KCTD15: variants seen among roughly 807,000 people sequenced by gnomAD.
KCTD15 encodes the protein BTB/POZ domain-containing protein KCTD15.
In KCTD15, 11 loss-of-function variants were observed where a neutral mutation model predicts 27.2. That is an observed-to-expected ratio of 0.41 (90% CI 0.25 to 0.67). KCTD15 has a LOEUF of 0.67. KCTD15 is among the 30% of genes least tolerant of loss of function. The pLI is 0.35. For missense variants in KCTD15, 350 were observed against 409.3 expected (o/e 0.86, Z 1.25); for synonymous variants, 163 against 176.0 (o/e 0.93, Z 0.58).
chr19:33,806,358 C>T (rs930842245), intron 4 of KCTD15, among the ~76,000 whole-genome samples: 2 of 152,200 alleles, frequency 1.3e-5, no homozygotes, highest in African/African-American at 2.4e-5. Flanking sequence ...GTGCCTGTTG[C>T]ACAGGCCTGT....
In KCTD15 at chr19:33,814,870, ACCAGTGGCTCCCTGT is replaced by A. The variant is rs1976047316; in HGVS notation, c.*1926_*1940del. 1.3e-5 allele frequency: 2 copies of A among 152,266 alleles called. No homozygotes were observed. Among genetic ancestry groups the A allele is most frequent in the African/African-American group, 4.8e-5 (2 of 41,446 alleles). 9.4% of individuals were successfully genotyped at this position (152,266 alleles called of 1,614,324 possible). The stretch of plus-strand genomic sequence containing the variant: ...CCTGCCTCAGGGGACAGCAGCACAG[ACCAGTGGCTCCCTGT>A]CCAAGGCCGCAGAGCAGACGCCATC... On this transcript the variant is annotated 3_prime_UTR_variant, in exon 7 of 7. Transcript: ENST00000683859.
chr19:33,803,724 C>T (rs932851230), intron 4 of KCTD15, among the ~76,000 whole-genome samples: 6 of 152,096 alleles, frequency 3.9e-5, no homozygotes, highest in African/African-American at 1.4e-4. Flanking sequence ...TTAGCTGCCG[C>T]CATCACAGCC....
At chr19:33,797,232 A>C (rs1975347548) in intron 1 of KCTD15, among the ~76,000 whole-genome samples, 1 of 147,694 alleles carries the variant, frequency 6.8e-6, no homozygotes, top group Non-Finnish European at 1.5e-5. Flanking sequence ...GCGGTCTCGG[A>C]GCTTCCTGCC....
chr19:33,813,318 G>T lies in KCTD15; in HGVS notation c.*370G>T, dbSNP rs1379006275. ...TGTTTATCCCTCTCCACGCGGGGCAGACTCTGGCGGGTCTCCTAGCGTCCG... is the reference window on the plus strand; with the variant it reads ...TGTTTATCCCTCTCCACGCGGGGCATACTCTGGCGGGTCTCCTAGCGTCCG... On this transcript the variant is annotated 3_prime_UTR_variant, in exon 7 of 7. Transcript: ENST00000683859. 2.5e-5 allele frequency: 13 copies of T among 526,660 alleles called. No homozygotes were observed. Among genetic ancestry groups the T allele is most frequent in the Non-Finnish European group, 4.8e-5 (13 of 273,604 alleles). 32.6% of individuals were successfully genotyped at this position (526,660 alleles called of 1,614,324 possible).
At chr19:33,794,257 A>G (rs1040729407), upstream of KCTD15, among the ~76,000 whole-genome samples, 2 of 152,214 alleles carry the variant, frequency 1.3e-5, no homozygotes, top group Admixed American at 1.3e-4. Context: ...AAGAGAAGCA[A>G]TTAGTCTTGG....
In KCTD15 at chr19:33,814,245, A is replaced by G. The variant is rs1322649738; in HGVS notation, c.*1297A>G. 1 of 152,606 alleles carries G rather than the reference A, an allele frequency of 6.6e-6. No individual in the cohort carries two copies. Among genetic ancestry groups the G allele is most frequent in the Admixed American group, 6.5e-5 (1 of 15,268 alleles). 9.5% of individuals were successfully genotyped at this position (152,606 alleles called of 1,614,324 possible). A position where few individuals can be genotyped will look rare whatever the true frequency, so the allele number is the denominator to read the frequency against. On this transcript the variant is annotated 3_prime_UTR_variant, in exon 7 of 7. Coordinates refer to ENST00000683859, the MANE Select transcript of KCTD15 (RefSeq NM_001129994.2). ...CATAAATGATGCTCTCAAGCAAAAG[A>G]CTGGAGGCTCTGTCCTGTGCAGAAG...
chr19:33,797,319 C>G (rs926265386), intron 1 of KCTD15: 1 of 413,540 alleles, frequency 2.4e-6, no homozygotes, highest in Admixed American at 2.9e-5. Context: ...GAGGTCCCCG[C>G]ACTCTGGCCC....
upstream of KCTD15, among the ~76,000 whole-genome samples, chr19:33,794,062 A>G (rs1173231852): frequency 4.0e-5 from 6 of 151,876 alleles, no homozygotes; most frequent in African/African-American, 1.5e-4. Context: ...TTTTTATTAT[A>G]ATTGGTATAA....
Position 33,806,762 on chromosome 19 carries a change from C to T in KCTD15, c.243-101C>T, listed in dbSNP as rs530121651. ...AGTCACCCATGTCAGGTCCCTCGCC[C>T]CTCCAGCCGTGTGGGCCCTCAGGAG... On this transcript the variant is annotated intron_variant, in intron 4 of 6. Transcript: ENST00000683859. 4.7e-5 allele frequency: 65 copies of T among 1,379,616 alleles called. 2 individuals are homozygous for T. The South Asian group carries it at 8.2e-4, about 17-fold the overall frequency. The allele number at this position is 1,379,616 out of a possible 1,614,324, so 85.5% of individuals were successfully genotyped here.
intron 5 of KCTD15, among the ~76,000 whole-genome samples, chr19:33,808,107 C>A (rs184241048): frequency 9.7e-4 from 148 of 152,362 alleles, no homozygotes; most frequent in African/African-American, 3.4e-3. Context: ...GTGCTGAGCC[C>A]CTCCCACATG....
intron 5 of KCTD15, 62 bp from the exon 6 acceptor site, chr19:33,811,185 C>G: frequency 7.3e-6 from 4 of 546,946 alleles, no homozygotes; most frequent in East Asian, 1.0e-4. Flanking sequence ...CCTCCCCTCT[C>G]CCCCTTCCCC....
rs1976050106 is a variant in KCTD15 at position 33,814,978 on chromosome 19, A to C, written c.*2030A>C. 1 of 152,230 alleles carries C rather than the reference A, an allele frequency of 6.6e-6. No homozygotes were observed. 9.4% of individuals were successfully genotyped at this position (152,230 alleles called of 1,614,324 possible). A position where few individuals can be genotyped will look rare whatever the true frequency, so the allele number is the denominator to read the frequency against. ...TCTGCTTAGCAACGAGCCTATAGTT[A>C]GTTGGCACATCTGCGTTTTGGCATC... On this transcript the variant is annotated 3_prime_UTR_variant, in exon 7 of 7. Coordinates refer to ENST00000683859, the MANE Select transcript of KCTD15 (RefSeq NM_001129994.2).
chr19:33,812,774 G>C lies in KCTD15; in HGVS notation c.694-16G>C, dbSNP rs1266435631. The C allele has an allele frequency of 2.8e-5, 40 of 1,434,192 alleles. No individual in the cohort carries two copies. Among genetic ancestry groups the C allele is most frequent in the Non-Finnish European group, 3.6e-5 (39 of 1,089,224 alleles). 88.8% of individuals were successfully genotyped at this position (1,434,192 alleles called of 1,614,324 possible). A position where few individuals can be genotyped will look rare whatever the true frequency, so the allele number is the denominator to read the frequency against. On this transcript the variant is annotated splice_polypyrimidine_tract_variant and intron_variant, in intron 6 of 6. Coordinates refer to ENST00000683859, the MANE Select transcript of KCTD15 (RefSeq NM_001129994.2). Reference sequence around the variant, plus strand: ...TTGCAGCTTGGCCTTGATGACCTCTGTTTCTTCCTGGGCAGGTCCTGGAGC... The same window carrying C: ...TTGCAGCTTGGCCTTGATGACCTCTCTTTCTTCCTGGGCAGGTCCTGGAGC...
chr19:33,795,224 T>C (rs1378797028), upstream of KCTD15, among the ~76,000 whole-genome samples: 1 of 152,246 alleles, frequency 6.6e-6, no homozygotes, highest in Admixed American at 6.5e-5. Flanking sequence ...CTTTTTCCTG[T>C]AGTTCGAACT....
intron 4 of KCTD15, 67 bp from the exon 5 acceptor site, chr19:33,806,796 G>T: frequency 6.4e-7 from 1 of 1,565,488 alleles, no homozygotes; most frequent in Non-Finnish European, 8.7e-7. Flanking sequence ...AGTGGGGGCG[G>T]GGTGTGGGAA....
chr19:33,805,442 G>T (rs1194773422), intron 4 of KCTD15, among the ~76,000 whole-genome samples: 4 of 152,212 alleles, frequency 2.6e-5, no homozygotes. Context: ...AGTGGGGCAG[G>T]GCCCTGGAGA....
At position 33,815,368 on chromosome 19, in the gene KCTD15, C is replaced by A. The variant is rs1019609887; in HGVS notation, c.*2420C>A. On this transcript the variant is annotated 3_prime_UTR_variant, in exon 7 of 7. Coordinates refer to ENST00000683859, the MANE Select transcript of KCTD15 (RefSeq NM_001129994.2). ...TAATGATGCTATAATTCTAATATATCTAGTCCCCATAAACAGTAAGTACAA... is the reference window on the plus strand; with the variant it reads ...TAATGATGCTATAATTCTAATATATATAGTCCCCATAAACAGTAAGTACAA... The A allele has an allele frequency of 1.4e-4, 21 of 152,178 alleles. No homozygotes were observed. The highest frequency in any genetic ancestry group is 5.1e-4 in the African/African-American group (21 of 41,440). 9.4% of individuals were successfully genotyped at this position (152,178 alleles called of 1,614,324 possible). A position where few individuals can be genotyped will look rare whatever the true frequency, so the allele number is the denominator to read the frequency against.
At position 33,802,220 on chromosome 19, in the gene KCTD15, C is replaced by T. The variant is rs1599673949; in HGVS notation, c.242+878C>T. 1.3e-5 allele frequency among the ~76,000 whole-genome samples: 2 copies of T among 152,070 alleles called. 1 individual carries two copies. Among genetic ancestry groups the T allele is most frequent in the Admixed American group, 1.3e-4 (2 of 15,300 alleles). ...GATGTTTGCTCCTGGCACAGAGAGG[C>T]GGTCATCGCTCCCCTGGGGCTGCTG... On this transcript the variant is annotated intron_variant, in intron 4 of 6. Transcript: ENST00000683859.
intron 1 of KCTD15, chr19:33,797,419 C>G (rs1352021606): frequency 4.4e-6 from 2 of 454,756 alleles, no homozygotes; most frequent in Middle Eastern, 3.3e-4. Context: ...GCACAAGTCC[C>G]GGCTTGGCGC....
Sources: allele counts gnomAD v4.1 joint callset (sites outside exome capture counted in the v4.1 genomes callset), GRCh38; gene constraint gnomAD v4.1.1; transcripts MANE v1.5; gene names NCBI Gene and HGNC (gene_info 2026-07-23, HGNC 2026-07-21).